Variants in LOC128092253 observed in about 807,000 individuals in gnomAD.
At chr6:133,959,849 A>C in the LOC128092253 span, among the ~76,000 whole-genome samples, 1 of 152,216 alleles carries the variant, frequency 6.6e-6, no homozygotes, top group South Asian at 2.1e-4. Flanking sequence ...ATATGAACAT[A>C]ATAAAGTCAA....
the LOC128092253 span, among the ~76,000 whole-genome samples, chr6:133,961,870 C>T: frequency 6.6e-6 from 1 of 152,090 alleles, no homozygotes; most frequent in African/African-American, 2.4e-5. Flanking sequence ...AGATCACATT[C>T]TCTTGATTAT....
At chr6:133,955,851 C>T in the LOC128092253 span, among the ~76,000 whole-genome samples, 1 of 152,286 alleles carries the variant, frequency 6.6e-6, no homozygotes, top group South Asian at 2.1e-4. Context: ...TTTGAGGGAA[C>T]TACTTATAGT....
chr6:133,973,282 C>G, the LOC128092253 span, among the ~76,000 whole-genome samples: 2 of 152,154 alleles, frequency 1.3e-5, no homozygotes, highest in African/African-American at 2.4e-5. Context: ...TATCAGTCCT[C>G]CCCTGCTTCT....
the LOC128092253 span, among the ~76,000 whole-genome samples, chr6:133,960,596 CTAT>C: frequency 6.6e-6 from 1 of 151,950 alleles, no homozygotes; most frequent in Admixed American, 6.6e-5. Context: ...TGGTTTTGGC[CTAT>C]TAAAATTAGA....
the LOC128092253 span, among the ~76,000 whole-genome samples, chr6:133,972,507 A>G: frequency 6.6e-6 from 1 of 152,198 alleles, no homozygotes; most frequent in African/African-American, 2.4e-5. Flanking sequence ...GCCAGAGAGT[A>G]AATATTTTAG....
the LOC128092253 span, among the ~76,000 whole-genome samples, chr6:133,970,574 CAT>C: frequency 6.6e-5 from 10 of 151,262 alleles, no homozygotes; most frequent in African/African-American, 2.2e-4. Flanking sequence ...AATGAACACT[CAT>C]ATATCTGTCA....
the LOC128092253 span, among the ~76,000 whole-genome samples, chr6:133,969,452 T>C: frequency 6.6e-6 from 1 of 152,162 alleles, no homozygotes; most frequent in Non-Finnish European, 1.5e-5. Flanking sequence ...GTCTCATAGA[T>C]AGTAGGTAGT....
chr6:133,957,966 ATTCT>A, the LOC128092253 span, among the ~76,000 whole-genome samples: 6 of 152,050 alleles, frequency 3.9e-5, no homozygotes, highest in South Asian at 4.1e-4. Flanking sequence ...GAGCATTGAA[ATTCT>A]TTCTTTCTTT....
At chr6:133,953,704 C>T in the LOC128092253 span, among the ~76,000 whole-genome samples, 21,827 of 151,970 alleles carry the variant, frequency 0.14, 2,012 homozygotes, top group African/African-American at 0.27. Context: ...GGGAGCGTTA[C>T]CGAGCCTGGT....
the LOC128092253 span, among the ~76,000 whole-genome samples, chr6:133,955,912 G>A: frequency 2.0e-5 from 3 of 152,166 alleles, no homozygotes; most frequent in African/African-American, 7.2e-5. Flanking sequence ...CAGCATTTGT[G>A]TGGATGAACA....
chr6:133,961,850 T>C, the LOC128092253 span, among the ~76,000 whole-genome samples: 2 of 152,190 alleles, frequency 1.3e-5, no homozygotes, highest in Non-Finnish European at 2.9e-5. Context: ...TCTCGTTTCC[T>C]TTATAACATA....
the LOC128092253 span, chr6:133,969,068 A>G: frequency 1.3e-5 from 2 of 152,292 alleles, no homozygotes; most frequent in South Asian, 2.1e-4. Flanking sequence ...CAGGTTTTCA[A>G]TTATATCTTC....
the LOC128092253 span, among the ~76,000 whole-genome samples, chr6:133,957,271 A>G: frequency 6.6e-6 from 1 of 152,380 alleles, no homozygotes; most frequent in Middle Eastern, 3.4e-3. Flanking sequence ...AGTACAGCAC[A>G]GAAGTTTGGC....
At chr6:133,958,412 G>A in the LOC128092253 span, among the ~76,000 whole-genome samples, 1 of 152,094 alleles carries the variant, frequency 6.6e-6, no homozygotes, top group Non-Finnish European at 1.5e-5. Flanking sequence ...TGTAATTTTA[G>A]AAGTAGCTAA....
At chr6:133,965,620 T>G in the LOC128092253 span, among the ~76,000 whole-genome samples, 1 of 151,994 alleles carries the variant, frequency 6.6e-6, no homozygotes, top group Non-Finnish European at 1.5e-5. Flanking sequence ...GGTTTTTTTT[T>G]TTAATTCACT....
the LOC128092253 span, among the ~76,000 whole-genome samples, chr6:133,968,229 C>T: frequency 6.6e-6 from 1 of 151,908 alleles, no homozygotes. Flanking sequence ...CCTCGTGATC[C>T]ACCTGGCCAG....
At chr6:133,973,270 A>G in the LOC128092253 span, among the ~76,000 whole-genome samples, 4 of 152,172 alleles carry the variant, frequency 2.6e-5, no homozygotes, top group Admixed American at 1.3e-4. Context: ...AAATCGGTCT[A>G]TTATCAGTCC....
the LOC128092253 span, among the ~76,000 whole-genome samples, chr6:133,977,276 A>T: frequency 6.6e-6 from 1 of 152,122 alleles, no homozygotes. Flanking sequence ...TTTTCAGGTT[A>T]CTCATATTAT....
At chr6:133,956,717 A>G in the LOC128092253 span, among the ~76,000 whole-genome samples, 1 of 152,352 alleles carries the variant, frequency 6.6e-6, no homozygotes, top group African/African-American at 2.4e-5. Context: ...TAAAATTTCA[A>G]CTTTGTATTC....
Sources: gnomAD v4.1 joint callset for allele counts (sites outside exome capture counted in the v4.1 genomes callset) on GRCh38, gnomAD v4.1.1 for gene constraint, MANE v1.5 for transcripts.